Variants in GPR83 observed in about 807,000 individuals in gnomAD.
GPR83 encodes the protein G protein-coupled receptor 83, also known as G-protein coupled receptor 72.
Under a neutral mutation model 28.0 loss-of-function variants are expected in GPR83, and 23 were observed. The observed-to-expected ratio is 0.82, with a 90% CI of 0.59 to 1.16. The LOEUF is 1.16. Ranked by LOEUF, GPR83 falls within the 50% of genes most tolerant of loss-of-function variation. The pLI is 0.00. For synonymous variants in GPR83, 234 were observed against 215.4 expected (o/e 1.09, Z -0.76); for missense variants, 610 against 536.6 (o/e 1.14, Z -1.35).
At chr11:94,382,658 G>C (rs1032310149) in intron 3 of GPR83, among the ~76,000 whole-genome samples, 1 of 152,082 alleles carries the variant, frequency 6.6e-6, no homozygotes, top group African/African-American at 2.4e-5. Context: ...TTCAGCACTT[G>C]AACTCAGCTC....
chr11:94,398,312 C>T (rs527364119), intron 1 of GPR83, among the ~76,000 whole-genome samples: 4 of 152,314 alleles, frequency 2.6e-5, no homozygotes, highest in African/African-American at 9.6e-5. Flanking sequence ...CTGGCCCCGC[C>T]TTTCCTTCTG....
At chr11:94,397,106 G>A (rs1944873685) in intron 1 of GPR83, among the ~76,000 whole-genome samples, 1 of 152,130 alleles carries the variant, frequency 6.6e-6, no homozygotes, top group Non-Finnish European at 1.5e-5. Context: ...GGCTGTGCTG[G>A]CAAATCTTGG....
chr11:94,397,885 A>C (rs1430404437), intron 1 of GPR83, among the ~76,000 whole-genome samples: 1 of 152,186 alleles, frequency 6.6e-6, no homozygotes, highest in Non-Finnish European at 1.5e-5. Context: ...GTCCGGCCAG[A>C]TCTTGAAACT....
In GPR83 at chr11:94,401,293, C is replaced by G; in HGVS notation, c.-46G>C. 1 of 1,531,388 alleles carries G rather than the reference C, an allele frequency of 6.5e-7. No homozygotes were observed. The highest frequency in any genetic ancestry group is 8.7e-7 in the Non-Finnish European group (1 of 1,146,200). The allele number at this position is 1,531,388 out of a possible 1,614,324, so 94.9% of individuals were successfully genotyped here. A position where few individuals can be genotyped will look rare whatever the true frequency, so the allele number is the denominator to read the frequency against. The stretch of plus-strand genomic sequence containing the variant: ...CCTGGGAGCCTGCGGGCCGGGCGTC[C>G]CCTCCCGCTGGGATCGGAGCGCGCA... On this transcript the variant is annotated 5_prime_UTR_variant, in exon 1 of 4. Transcript: ENST00000243673.
At chr11:94,386,995 A>G (rs1944763983) in intron 3 of GPR83, among the ~76,000 whole-genome samples, 1 of 152,248 alleles carries the variant, frequency 6.6e-6, no homozygotes, top group Non-Finnish European at 1.5e-5. Context: ...ACACAGAGCA[A>G]TCAAACTAGA....
chr11:94,381,558 A>AGTGTGTGTGTGTGTGTGT (rs56180709), intron 3 of GPR83, among the ~76,000 whole-genome samples: 54 of 148,164 alleles, frequency 3.6e-4, no homozygotes, highest in Admixed American at 1.8e-3. Flanking sequence ...GGAGTGAGTG[A>AGTGTGTGTGTGTGTGTGT]GTGTGTGTGT....
rs148456753 is a variant in GPR83, at chr11:94,393,566, T to C, written c.566A>G (p.Tyr189Cys). ...PRISITKGVIYIAVIWTMATF... is the reference protein window; with the variant it reads ...PRISITKGVICIAVIWTMATF... ...AGCCATGGTCCAGATGACAGCGATG[T>C]AGATGACACCCTTTGTGATTGAGAT... The change falls in exon 3 of 4, where the codon TAC becomes TGC. Residue 189 changes from tyrosine (Y) to cysteine (C), a missense_variant. Tyr to Cys is a radical substitution (Grantham distance 194). Transcript: ENST00000243673. The C allele has an allele frequency of 1.3e-3, 2,066 of 1,613,800 alleles. 2 individuals are homozygous for C. The highest frequency in any genetic ancestry group is 1.6e-3 in the Non-Finnish European group (1,913 of 1,179,690).
At chr11:94,399,598 T>C (rs927639186) in intron 1 of GPR83, among the ~76,000 whole-genome samples, 1 of 152,218 alleles carries the variant, frequency 6.6e-6, no homozygotes, top group Non-Finnish European at 1.5e-5. Context: ...TTTTTCAATA[T>C]AAGATTTGGA....
At position 94,380,216 on chromosome 11, in the gene GPR83, G is replaced by T. The variant is rs376409703; in HGVS notation, c.1205C>A (p.Pro402His). 6.6e-6 allele frequency: 10 copies of T among 1,523,292 alleles called. No individual in the cohort carries two copies. The African/African-American group carries it at 1.4e-4, about 21-fold the overall frequency. The allele number at this position is 1,523,292 out of a possible 1,614,324, so 94.4% of individuals were successfully genotyped here. Residue 402 changes from proline (P) to histidine (H), a missense_variant, in exon 4 of 4, where the codon CCC (proline) becomes CAC (histidine). Coordinates refer to ENST00000243673, the MANE Select transcript of GPR83 (RefSeq NM_016540.4). ...CTTCCCAGACTGGAGTTGGGAGGTG[G>T]GCAGGAGGTTATTGGCAAGGGGAGC... ...QRAPLANNLL[P>H]TSQLQSGKTD...
intron 2 of GPR83, among the ~76,000 whole-genome samples, chr11:94,394,350 G>T (rs1459749917): frequency 6.6e-6 from 1 of 152,126 alleles, no homozygotes; most frequent in Non-Finnish European, 1.5e-5. Flanking sequence ...AATCTCACCA[G>T]GGCCCAGCTC....
chr11:94,383,115 C>A (rs1004738454), intron 3 of GPR83, among the ~76,000 whole-genome samples: 31 of 151,022 alleles, frequency 2.1e-4, no homozygotes, highest in African/African-American at 7.6e-4. Context: ...CATGCCACTG[C>A]ACTCCAGCCT....
intron 3 of GPR83, among the ~76,000 whole-genome samples, chr11:94,388,884 G>C (rs1054849729): frequency 6.6e-6 from 1 of 152,178 alleles, no homozygotes; most frequent in African/African-American, 2.4e-5. Flanking sequence ...TAAGGCAAAA[G>C]AACAAAGCTG....
chr11:94,388,792 G>A (rs1316765396), intron 3 of GPR83, among the ~76,000 whole-genome samples: 1 of 152,052 alleles, frequency 6.6e-6, no homozygotes, highest in Non-Finnish European at 1.5e-5. Context: ...CAAGCTACCA[G>A]TGACTTTCTT....
rs1217236803 is a variant in GPR83, at chr11:94,380,173, CACAGATG to C, written c.1241_1247del (p.Ser414TrpfsTer5). On this transcript the variant is annotated frameshift_variant, in exon 4 of 4. Coordinates refer to ENST00000243673, the MANE Select transcript of GPR83 (RefSeq NM_016540.4). LOFTEE classifies it high-confidence loss of function. ...TCTAACTCATCGTCACAATGGGTTC[CACAGATG>C]ACAGGTCTGTCTTCCCAGACTGGAG... 6.6e-7 allele frequency: 1 copy of C among 1,516,216 alleles called. No individual in the cohort carries two copies. Among genetic ancestry groups the C allele is most frequent in the Non-Finnish European group, 8.8e-7 (1 of 1,133,578 alleles). The allele number at this position is 1,516,216 out of a possible 1,614,324, so 93.9% of individuals were successfully genotyped here.
chr11:94,395,345 C>A (rs1370529887), intron 2 of GPR83, among the ~76,000 whole-genome samples: 2 of 152,214 alleles, frequency 1.3e-5, no homozygotes, highest in Non-Finnish European at 2.9e-5. Flanking sequence ...CTTGCTGCAT[C>A]TCATGGTGCT....
intron 3 of GPR83, 140 bp from the exon 4 acceptor site, chr11:94,380,913 T>C: frequency 1.5e-6 from 1 of 673,980 alleles, no homozygotes; most frequent in South Asian, 1.9e-5. Context: ...TTTGATGCTG[T>C]AGCCTAATTA....
At chr11:94,390,378 C>T (rs113715508) in intron 3 of GPR83, among the ~76,000 whole-genome samples, 5 of 151,536 alleles carry the variant, frequency 3.3e-5, no homozygotes, top group Admixed American at 3.3e-4. Flanking sequence ...AATGAGTGAA[C>T]AAAAACTGGA....
In GPR83 at chr11:94,378,882, T is replaced by G. The variant is rs142371029; in HGVS notation, c.*1267A>C. On this transcript the variant is annotated 3_prime_UTR_variant, in exon 4 of 4. Transcript: ENST00000243673. ...GTTGAGTTTGATTCCCTGGTTCATC[T>G]TGAGGCTGCCTCTAAGGAGGGGCAT... 6.6e-6 allele frequency: 1 copy of G among 152,280 alleles called. No individual in the cohort carries two copies. Among genetic ancestry groups the G allele is most frequent in the Non-Finnish European group, 1.5e-5 (1 of 68,008 alleles). 9.4% of individuals were successfully genotyped at this position (152,280 alleles called of 1,614,324 possible). A position where few individuals can be genotyped will look rare whatever the true frequency, so the allele number is the denominator to read the frequency against.
rs756659918 is a variant in GPR83, at chr11:94,380,402, T to C, written c.1019A>G (p.Tyr340Cys). 3 of 1,614,200 alleles carry C rather than the reference T, an allele frequency of 1.9e-6. No homozygotes were observed. The highest frequency in any genetic ancestry group is 2.2e-5 in the East Asian group (1 of 44,884). Residue 340 changes from tyrosine (Y) to cysteine (C), a missense_variant, in exon 4 of 4, where the codon TAT becomes TGT. Physicochemically the swap from Tyr to Cys is radical, Grantham distance 194. Transcript: ENST00000243673. ...FHWFAMSSTCYNPFIYCWLNE... is the reference protein window; with the variant it reads ...FHWFAMSSTCCNPFIYCWLNE... The stretch of plus-strand genomic sequence containing the variant: ...CAGCCAGCAGTATATGAAGGGGTTA[T>C]AGCAGGTGCTGCTCATGGCAAACCA...
Sources: allele counts gnomAD v4.1 joint callset (sites outside exome capture counted in the v4.1 genomes callset), GRCh38; gene constraint gnomAD v4.1.1; transcripts MANE v1.5; gene names NCBI Gene and HGNC (gene_info 2026-07-23, HGNC 2026-07-21).